Variants in TENM4 observed in about 807,000 individuals in gnomAD.
The protein encoded by TENM4 is teneurin-4.
TENM4 carries 82 observed loss-of-function variants against 243.3 expected under a neutral mutation model. The ratio of observed to expected loss-of-function variants is 0.34; its 90% confidence interval spans 0.28 to 0.40. The LOEUF (loss-of-function observed/expected upper bound fraction) is 0.40. Ranked by LOEUF, TENM4 falls within the 10% of genes least tolerant of loss-of-function variation. The pLI, the probability that TENM4 is intolerant of heterozygous loss-of-function variation, is 1.00. For synonymous variants in TENM4, 1,412 were observed against 1,456.3 expected, an observed-to-expected ratio of 0.97 and a Z score of 0.69; for missense variants, 3,138 against 3,673.3, an observed-to-expected ratio of 0.85 and a Z score of 3.77.
chr11:78,992,428 G>T (rs1049555099), intron 6 of TENM4, among the ~76,000 whole-genome samples: 1 of 152,150 alleles, frequency 6.6e-6, no homozygotes, highest in African/African-American at 2.4e-5. Context: ...TTTGACCAAG[G>T]ACTCTTTCTC....
At chr11:78,864,053 A>G (rs914023375) in intron 9 of TENM4, among the ~76,000 whole-genome samples, 5 of 152,242 alleles carry the variant, frequency 3.3e-5, no homozygotes, top group African/African-American at 1.2e-4. Flanking sequence ...TATAACATGC[A>G]GAAGTGTATT....
rs1210602594 is a variant in TENM4 at position 79,139,670 on chromosome 11, A to AT, written c.-66+9039dup. 8.5e-3 allele frequency among the ~76,000 whole-genome samples: 545 copies of AT among 63,890 alleles called. 6 individuals are homozygous for AT. Among genetic ancestry groups the AT allele is most frequent in the Non-Finnish European group, 0.01 (388 of 37,128 alleles). The allele number at this position is 63,890 out of a possible 152,430, so 41.9% of individuals were successfully genotyped here. On this transcript the variant is annotated intron_variant, in intron 4 of 33. Transcript: ENST00000278550. ...ATTTATATAAGTATATAAAATATAT[A>AT]TATTTTATATAAGTATATAAAATAT...
chr11:79,106,004 A>G (rs1267210027), intron 4 of TENM4, among the ~76,000 whole-genome samples: 1 of 152,226 alleles, frequency 6.6e-6, no homozygotes, highest in Non-Finnish European at 1.5e-5. Flanking sequence ...ACAACCACAA[A>G]CAAGAAGTTA....
At chr11:78,713,326 G>A (rs1291964372) in intron 25 of TENM4, among the ~76,000 whole-genome samples, 3 of 152,138 alleles carry the variant, frequency 2.0e-5, no homozygotes, top group African/African-American at 4.8e-5. Context: ...TGAACTGCAG[G>A]ATTAGTTTGT....
chr11:79,212,441 C>T (rs967588511), intron 3 of TENM4, among the ~76,000 whole-genome samples: 5 of 152,024 alleles, frequency 3.3e-5, no homozygotes, highest in African/African-American at 4.8e-5. Context: ...TTTTTTGTCC[C>T]CTACTTTCTA....
chr11:79,144,255 C>A (rs965129997), intron 4 of TENM4, among the ~76,000 whole-genome samples: 1 of 152,032 alleles, frequency 6.6e-6, no homozygotes, highest in Non-Finnish European at 1.5e-5. Flanking sequence ...CATGAGACAT[C>A]ATTTCATCCC....
chr11:79,046,519 G>A (rs1859664572), intron 6 of TENM4, among the ~76,000 whole-genome samples: 1 of 152,154 alleles, frequency 6.6e-6, no homozygotes, highest in Non-Finnish European at 1.5e-5. Flanking sequence ...TGGAAATAGA[G>A]TTGTTGCAGA....
At chr11:78,963,375 T>G (rs1019442524) in intron 6 of TENM4, among the ~76,000 whole-genome samples, 2 of 152,234 alleles carry the variant, frequency 1.3e-5, no homozygotes, top group African/African-American at 2.4e-5. Flanking sequence ...CCTTTCAACA[T>G]GTGCAGTACA....
Position 78,830,527 on chromosome 11 carries a change from C to G in TENM4, c.1682-16132G>C, listed in dbSNP as rs540519499. On this transcript the variant is annotated intron_variant, in intron 12 of 33. Coordinates refer to ENST00000278550, the MANE Select transcript of TENM4 (RefSeq NM_001098816.3). ...CACCCTCCCAGGGAGCAGACTCCCC[C>G]CTGCTGAGCCCTCCATGCCTGGCAG... Among the ~76,000 whole-genome samples, 130 of 152,352 alleles carry G rather than the reference C, an allele frequency of 8.5e-4. 1 individual carries two copies. The South Asian group carries it at 0.015, about 17-fold the overall frequency.
intron 6 of TENM4, among the ~76,000 whole-genome samples, chr11:78,927,785 A>G (rs1162182198): frequency 6.6e-6 from 1 of 152,200 alleles, no homozygotes; most frequent in African/African-American, 2.4e-5. Context: ...AGAACCTGTC[A>G]GAGTTGGCAC....
intron 4 of TENM4, among the ~76,000 whole-genome samples, chr11:79,094,467 G>A (rs917356456): frequency 5.3e-5 from 8 of 152,114 alleles, no homozygotes; most frequent in African/African-American, 1.4e-4. Context: ...GCCCATATTC[G>A]TCTACCATGC....
chr11:79,090,957 G>T (rs1860932005), intron 4 of TENM4, among the ~76,000 whole-genome samples: 1 of 152,190 alleles, frequency 6.6e-6, no homozygotes, highest in Non-Finnish European at 1.5e-5. Flanking sequence ...ACCCATTCTG[G>T]GGTTGTGGGG....
chr11:79,301,667 C>T (rs1856550992), intron 1 of TENM4, among the ~76,000 whole-genome samples: 1 of 152,164 alleles, frequency 6.6e-6, no homozygotes, highest in Non-Finnish European at 1.5e-5. Flanking sequence ...ATTGTAATCC[C>T]CAATGCCACA....
At chr11:78,740,010 A>C (rs373603690) in intron 19 of TENM4, among the ~76,000 whole-genome samples, 1 of 152,186 alleles carries the variant, frequency 6.6e-6, no homozygotes, top group African/African-American at 2.4e-5. Flanking sequence ...CAATGTCCTC[A>C]AGGATCCGCA....
intron 28 of TENM4, among the ~76,000 whole-genome samples, chr11:78,699,584 A>ATAAC (rs1859055213): frequency 6.6e-6 from 1 of 152,250 alleles, no homozygotes; most frequent in Non-Finnish European, 1.5e-5. Context: ...GTTAACAAGG[A>ATAAC]TAACCACTCT....
intron 10 of TENM4, 131 bp from the exon 11 acceptor site, chr11:78,856,309 T>C (rs1437983392): frequency 6.1e-6 from 5 of 813,920 alleles, no homozygotes; most frequent in Non-Finnish European, 7.6e-6. Context: ...TGCTGTCAGC[T>C]TCCTCCCCAC....
At chr11:79,061,184 C>T (rs1860076752) in intron 6 of TENM4, among the ~76,000 whole-genome samples, 1 of 152,174 alleles carries the variant, frequency 6.6e-6, no homozygotes, top group Non-Finnish European at 1.5e-5. Flanking sequence ...GAACCTGAAC[C>T]TAATCAGTGA....
Position 79,064,964 on chromosome 11 carries a change from C to A in TENM4, c.267G>T (p.Thr89=), listed in dbSNP as rs145471783. The change falls in exon 6 of 34, where the codon ACG becomes ACT. Residue 89 remains threonine, a synonymous_variant. Transcript: ENST00000278550. ...TCCGGTACAGGGTCCCGTGAGGGGGCGTTACTTCTTCCAGCCCCAGCTCCC... is the reference window on the plus strand; with the variant it reads ...TCCGGTACAGGGTCCCGTGAGGGGGAGTTACTTCTTCCAGCCCCAGCTCCC... The part of the protein sequence containing the change: ...TLRELGLEEV[T]PPHGTLYRTD... 8.1e-6 allele frequency: 12 copies of A among 1,472,548 alleles called. No homozygotes were observed. Among genetic ancestry groups the A allele is most frequent in the Non-Finnish European group, 1.1e-5 (12 of 1,107,290 alleles). The allele number at this position is 1,472,548 out of a possible 1,614,324, so 91.2% of individuals were successfully genotyped here.
chr11:78,976,174 G>A (rs1314103725), intron 6 of TENM4, among the ~76,000 whole-genome samples: 1 of 152,226 alleles, frequency 6.6e-6, no homozygotes, highest in Non-Finnish European at 1.5e-5. Flanking sequence ...GAAGCCATTT[G>A]CTCAAAGCTA....
Sources: allele counts gnomAD v4.1 joint callset (sites outside exome capture counted in the v4.1 genomes callset), GRCh38; gene constraint gnomAD v4.1.1; transcripts MANE v1.5; gene names NCBI Gene and HGNC (gene_info 2026-07-23, HGNC 2026-07-21).